Variants in CSMD2 observed in about 807,000 individuals in gnomAD.
The protein encoded by CSMD2 is CUB and Sushi multiple domains 2.
CSMD2 carries 130 observed loss-of-function variants against 398.5 expected under a neutral mutation model. The observed-to-expected ratio is 0.33, with a 90% confidence interval of 0.28 to 0.38. The LOEUF is 0.38. Among genes scored for constraint, CSMD2 ranks in the 10% least tolerant of loss-of-function variants. The pLI is 1.00. For synonymous variants in CSMD2, 1,828 were observed against 1,908.5 expected (o/e 0.96, Z 1.10); for missense variants, 3,829 against 4,764.9 (o/e 0.80, Z 5.78).
chr1:33,662,392 A>G (rs958581016), intron 26 of CSMD2, among the ~76,000 whole-genome samples: 9 of 152,128 alleles, frequency 5.9e-5, no homozygotes, highest in African/African-American at 1.9e-4. Context: ...CTCCACTTCC[A>G]AAGCCCACAT....
chr1:33,523,652 ATTACC>A (rs757048148), intron 66 of CSMD2, among the ~76,000 whole-genome samples: 1 of 152,202 alleles, frequency 6.6e-6, no homozygotes, highest in Non-Finnish European at 1.5e-5. Context: ...TAATAATTGG[ATTACC>A]GGGTTGAGGT....
At chr1:33,553,277 C>G (rs1443738773) in intron 55 of CSMD2, among the ~76,000 whole-genome samples, 1 of 152,180 alleles carries the variant, frequency 6.6e-6, no homozygotes, top group Non-Finnish European at 1.5e-5. Context: ...TTTGGTAATT[C>G]TCACAATATT....
intron 57 of CSMD2, among the ~76,000 whole-genome samples, chr1:33,544,076 G>A (rs537676302): frequency 6.6e-6 from 1 of 150,968 alleles, no homozygotes; most frequent in East Asian, 1.9e-4. Flanking sequence ...AATCCTCGCT[G>A]GAGTGACAAG....
intron 1 of CSMD2, among the ~76,000 whole-genome samples, chr1:34,120,071 A>G (rs1479553303): frequency 6.6e-6 from 1 of 152,222 alleles, no homozygotes; most frequent in African/African-American, 2.4e-5. Context: ...CATACATACA[A>G]TTGAATATTA....
rs753949642 is a variant in CSMD2, at chr1:33,624,497, C to G, written c.5625+22G>C. The G allele has an allele frequency of 3.9e-5, 63 of 1,610,828 alleles. No homozygotes were observed. Among genetic ancestry groups the G allele is most frequent in the Non-Finnish European group, 5.3e-5 (62 of 1,178,038 alleles). On this transcript the variant is annotated intron_variant, in intron 35 of 70. Transcript: ENST00000373381. This position sits in a 1 kb window ranked among gnomAD's most constrained non-coding sequence, Gnocchi z 4.7. ...GGGAGCAGACGGCCACCTGCCCGAC[C>G]GAGGCGCCCCCTTGCCCCTACCTGG...
intron 49 of CSMD2, among the ~76,000 whole-genome samples, chr1:33,573,515 A>C (rs11800237): frequency 0.047 from 7,206 of 152,026 alleles, 546 homozygotes; most frequent in African/African-American, 0.16. Context: ...GAAGGAAAAA[A>C]AAACAAACAA....
chr1:34,000,020 A>G (rs1450500297), intron 3 of CSMD2, among the ~76,000 whole-genome samples: 3 of 152,186 alleles, frequency 2.0e-5, no homozygotes, highest in African/African-American at 7.2e-5. Flanking sequence ...GAACAAAAAT[A>G]CAGAGGAGTA....
intron 14 of CSMD2, among the ~76,000 whole-genome samples, chr1:33,741,379 G>A (rs545575565): frequency 6.6e-6 from 1 of 152,258 alleles, no homozygotes; most frequent in African/African-American, 2.4e-5. Flanking sequence ...GGCCATGGAG[G>A]ATTGTTTCAC....
rs1289201821 is a variant in CSMD2 at position 33,533,401 on chromosome 1, A to T, written c.9992-172T>A. ...ACCCTAACCCAAGCTCTGTGTCTAG[A>T]GGAATGGCCAAGATGGAGATCATGT... On this transcript the variant is annotated intron_variant, in intron 63 of 70. Transcript: ENST00000373381. The surrounding 1 kb of genome is among the most constrained non-coding windows in gnomAD (Gnocchi z 4.2). 6.6e-6 allele frequency among the ~76,000 whole-genome samples: 1 copy of T among 152,076 alleles called. No individual in the cohort carries two copies. The highest frequency in any genetic ancestry group is 2.4e-5 in the African/African-American group (1 of 41,414).
intron 2 of CSMD2, among the ~76,000 whole-genome samples, chr1:34,054,946 T>G (rs1304758894): frequency 6.6e-6 from 1 of 152,204 alleles, no homozygotes; most frequent in Non-Finnish European, 1.5e-5. Context: ...TAAGTCATTT[T>G]CAAAAATAAG....
chr1:33,572,404 TTTC>T, intron 50 of CSMD2, 99 bp downstream of exon 50: 6 of 1,033,768 alleles, frequency 5.8e-6, no homozygotes, highest in Non-Finnish European at 8.0e-6. Flanking sequence ...TTTTTTTTTT[TTTC>T]CCCCTCATTA....
chr1:33,609,037 T>C (rs1003975532), intron 41 of CSMD2, among the ~76,000 whole-genome samples: 4 of 152,178 alleles, frequency 2.6e-5, no homozygotes, highest in Admixed American at 2.0e-4. Flanking sequence ...ACCTCCCAGA[T>C]AATAGGCACA....
intron 2 of CSMD2, among the ~76,000 whole-genome samples, chr1:34,051,062 T>C (rs12127677): frequency 6.6e-6 from 1 of 152,150 alleles, no homozygotes; most frequent in Non-Finnish European, 1.5e-5. Flanking sequence ...GCCAGGGTGA[T>C]TGATTCTCAC....
At chr1:34,097,878 A>G in intron 1 of CSMD2, among the ~76,000 whole-genome samples, 1 of 111,206 alleles carries the variant, frequency 9.0e-6, no homozygotes, top group Non-Finnish European at 1.8e-5. Flanking sequence ...ATCTAGAACT[A>G]GAAATACCAT....
intron 13 of CSMD2, among the ~76,000 whole-genome samples, chr1:33,753,785 G>A (rs187208894): frequency 6.0e-4 from 91 of 152,396 alleles, no homozygotes; most frequent in African/African-American, 2.1e-3. Flanking sequence ...TGCCCAGGAT[G>A]TGGGATATGG....
At chr1:33,603,620 G>C (rs899087012) in intron 42 of CSMD2, among the ~76,000 whole-genome samples, 1 of 152,182 alleles carries the variant, frequency 6.6e-6, no homozygotes, top group Non-Finnish European at 1.5e-5. Context: ...AGACAGTGGG[G>C]AACAAGGTAC....
chr1:33,568,894 A>G (rs761682226), intron 52 of CSMD2, among the ~76,000 whole-genome samples: 16 of 152,192 alleles, frequency 1.1e-4, no homozygotes, highest in Admixed American at 3.9e-4. Flanking sequence ...CAGGGAGTGG[A>G]TTAGCCATGG....
chr1:33,825,337 G>A (rs1658672307), intron 7 of CSMD2, among the ~76,000 whole-genome samples: 1 of 152,212 alleles, frequency 6.6e-6, no homozygotes, highest in Non-Finnish European at 1.5e-5. Context: ...CCAGCCCAAG[G>A]TTACTGACTC....
At chr1:33,722,913 G>GT (rs1050711807) in intron 19 of CSMD2, among the ~76,000 whole-genome samples, 16 of 150,842 alleles carry the variant, frequency 1.1e-4, no homozygotes, top group East Asian at 7.8e-4. Flanking sequence ...GGTATAGACG[G>GT]TTTTTTTTTC....
Sources: gnomAD v4.1 joint callset for allele counts (sites outside exome capture counted in the v4.1 genomes callset) on GRCh38, gnomAD v4.1.1 for gene constraint, Gnocchi (gnomAD v3.1) non-coding constraint, MANE v1.5 for transcripts, NCBI Gene and HGNC (gene_info 2026-07-23, HGNC 2026-07-21) for gene names.